The following CCDC18 variants were observed in gnomAD, a reference collection of about 807,000 sequenced individuals.
CCDC18 encodes the protein coiled-coil domain containing 18, also known as coiled-coil domain-containing protein 18.
In CCDC18, 157 loss-of-function variants were observed where a neutral mutation model predicts 196.0. The ratio of observed to expected loss-of-function variants is 0.80; its 90% CI spans 0.70 to 0.91. The LOEUF is 0.91. Ranked by LOEUF, CCDC18 falls within the 40% of genes least tolerant of loss-of-function variation. The pLI, the probability that CCDC18 is intolerant of heterozygous loss-of-function variation, is 0.00. For missense variants in CCDC18, 1,465 were observed against 1,611.6 expected (o/e 0.91, Z 1.56); for synonymous variants, 482 against 529.2 (o/e 0.91, Z 1.22).
At chr1:93,234,067 GGATT>G (rs1157755902) in intron 18 of CCDC18, among the ~76,000 whole-genome samples, 3 of 152,018 alleles carry the variant, frequency 2.0e-5, no homozygotes, top group Non-Finnish European at 4.4e-5. Context: ...GGTTCTTGCA[GGATT>G]GATTATGATT....
intron 23 of CCDC18, among the ~76,000 whole-genome samples, 196 bp from the exon 24 acceptor site, chr1:93,254,275 T>C (rs1662650814): frequency 6.6e-6 from 1 of 152,170 alleles, no homozygotes; most frequent in Non-Finnish European, 1.5e-5. Flanking sequence ...TATGAGTGGG[T>C]TACCCTCTAT....
Position 93,207,307 on chromosome 1 carries a change from C to T in CCDC18, c.1118C>T (p.Ala373Val). 6.2e-7 allele frequency: 1 copy of T among 1,613,206 alleles called. No homozygotes were observed. Among genetic ancestry groups the T allele is most frequent in the South Asian group, 1.1e-5 (1 of 90,986 alleles). Residue 373 changes from alanine to valine, a missense_variant, in exon 9 of 29, where the codon GCA (alanine) becomes GTA (valine). Physicochemically the swap from Ala to Val is moderately conservative, Grantham distance 64. Coordinates refer to ENST00000690025, the MANE Select transcript of CCDC18 (RefSeq NM_001378204.1). ...ENRELKVRVA[A>V]QNERLDLCQQ... ...CGAGAATTAAAGGTCCGTGTTGCAG[C>T]ACAGAATGAGCGACTAGATTTATGT...
rs1182833944 is a variant in CCDC18, at chr1:93,214,832, C to T, written c.1585C>T (p.Arg529Cys). 5.6e-6 allele frequency: 9 copies of T among 1,612,950 alleles called. No homozygotes were observed. The East Asian group carries it at 6.7e-5, about 12-fold the overall frequency. Residue 529 changes from arginine (R) to cysteine (C), a missense_variant, in exon 12 of 29, where the codon CGT becomes TGT. By Grantham distance (180) the Arg-to-Cys change is radical. Coordinates refer to ENST00000690025, the MANE Select transcript of CCDC18 (RefSeq NM_001378204.1). ...QRLVTGIEEL[R>C]TKLIQIEAEN... The stretch of plus-strand genomic sequence containing the variant: ...ACTTGTTACTGGAATAGAAGAACTA[C>T]GTACTAAGCTGATACAAATAGAAGC...
intron 19 of CCDC18, 123 bp downstream of exon 19, chr1:93,236,513 C>A: frequency 1.1e-6 from 1 of 888,688 alleles, no homozygotes; most frequent in Non-Finnish European, 1.7e-6. Flanking sequence ...AGTCTGTGTT[C>A]CTATTGCATT....
At chr1:93,257,068 A>G (rs1663053227) in intron 25 of CCDC18, among the ~76,000 whole-genome samples, 1 of 151,822 alleles carries the variant, frequency 6.6e-6, no homozygotes, top group Non-Finnish European at 1.5e-5. Context: ...TCTACTAAAA[A>G]TACAAAAAAC....
intron 16 of CCDC18, among the ~76,000 whole-genome samples, chr1:93,223,292 CTTT>C (rs1355167661): frequency 1.3e-5 from 2 of 152,114 alleles, no homozygotes; most frequent in African/African-American, 4.8e-5. Context: ...CCTTTAACAT[CTTT>C]AGCAGGTTTG....
At chr1:93,252,383 A>G (rs1376330607) in intron 23 of CCDC18, among the ~76,000 whole-genome samples, 2 of 152,064 alleles carry the variant, frequency 1.3e-5, no homozygotes, top group Admixed American at 6.5e-5. Flanking sequence ...CACTGATTCT[A>G]TTTGACCCAT....
intron 26 of CCDC18, among the ~76,000 whole-genome samples, chr1:93,262,879 C>A (rs1194193155): frequency 2.0e-5 from 3 of 152,088 alleles, no homozygotes; most frequent in African/African-American, 4.8e-5. Flanking sequence ...GCTTGGACTT[C>A]CAGGCATTTC....
chr1:93,200,329 T>A, intron 6 of CCDC18, among the ~76,000 whole-genome samples: 1 of 106,690 alleles, frequency 9.4e-6, no homozygotes, highest in Admixed American at 9.8e-5. Context: ...CTATAGGAGA[T>A]TATTTAAAAA....
chr1:93,253,080 C>T (rs1348499167), intron 23 of CCDC18, among the ~76,000 whole-genome samples: 3 of 152,226 alleles, frequency 2.0e-5, no homozygotes, highest in African/African-American at 7.2e-5. Context: ...GGAGTTGAGA[C>T]TGGCCCTCTT....
chr1:93,220,488 A>G (rs1438846921), intron 14 of CCDC18, among the ~76,000 whole-genome samples: 1 of 152,236 alleles, frequency 6.6e-6, no homozygotes, highest in Non-Finnish European at 1.5e-5. Flanking sequence ...TAGGATTTTT[A>G]TAATATCTAT....
At chr1:93,179,996 G>T (rs1163052531), upstream of CCDC18, 4 of 1,532,736 alleles carry the variant, frequency 2.6e-6, no homozygotes, top group Non-Finnish European at 3.5e-6. Context: ...CGGGTGAGAG[G>T]CGACAACGCA....
chr1:93,182,489 G>A (rs562761102), intron 1 of CCDC18, among the ~76,000 whole-genome samples: 14 of 152,346 alleles, frequency 9.2e-5, no homozygotes, highest in African/African-American at 2.2e-4. Context: ...AAAGGTAAAT[G>A]GGATCTGAAA....
Position 93,258,762 on chromosome 1 carries a change from C to A in CCDC18, c.3561C>A (p.Asn1187Lys). The A allele has an allele frequency of 3.8e-6, 6 of 1,561,028 alleles. No individual in the cohort carries two copies. The highest frequency in any genetic ancestry group is 5.2e-6 in the Non-Finnish European group (6 of 1,156,770). Residue 1187 changes from asparagine to lysine, a missense_variant, in exon 26 of 29, where the codon AAC (asparagine) becomes AAA (lysine). Asn to Lys is a moderately conservative substitution (Grantham distance 94). Transcript: ENST00000690025. The stretch of plus-strand genomic sequence containing the variant: ...TCATTTTTAAGGATGCTCATGGAAA[C>A]CATTTAGCTGAAGAACTGGGGGCTT... ...QLSKEKDAHG[N>K]HLAEELGASK...
rs377290925 is a variant in CCDC18 at position 93,232,331 on chromosome 1, G to A, written c.2293-95G>A. Reference sequence around the variant, plus strand: ...ATGCAATTGTCCCACATGACAAGTGGATGGTTATCTAATAAGGAGGACAGC... The same window carrying A: ...ATGCAATTGTCCCACATGACAAGTGAATGGTTATCTAATAAGGAGGACAGC... On this transcript the variant is annotated intron_variant, in intron 17 of 28. Coordinates refer to ENST00000690025, the MANE Select transcript of CCDC18 (RefSeq NM_001378204.1). 109 of 705,274 alleles carry A rather than the reference G, an allele frequency of 1.5e-4. 1 individual carries two copies. The highest frequency in any genetic ancestry group is 1.5e-3 in the African/African-American group (82 of 54,740). 43.7% of individuals were successfully genotyped at this position (705,274 alleles called of 1,614,324 possible).
intron 26 of CCDC18, among the ~76,000 whole-genome samples, chr1:93,261,146 G>A (rs1054213856): frequency 2.0e-5 from 3 of 152,108 alleles, no homozygotes; most frequent in Non-Finnish European, 4.4e-5. Context: ...TAATGGGATG[G>A]CTGGGTCAAA....
chr1:93,198,864 C>T (rs1405715491), intron 6 of CCDC18, among the ~76,000 whole-genome samples: 2 of 152,046 alleles, frequency 1.3e-5, no homozygotes, highest in African/African-American at 4.8e-5. Context: ...CCAGGCTGGT[C>T]TTGAACTCCT....
intron 21 of CCDC18, among the ~76,000 whole-genome samples, chr1:93,245,311 T>A (rs1310827445): frequency 6.6e-6 from 1 of 152,216 alleles, no homozygotes; most frequent in Non-Finnish European, 1.5e-5. Flanking sequence ...ATATTAGTTT[T>A]AGCCTTGTGT....
At chr1:93,210,628 T>G (rs1655465091) in intron 9 of CCDC18, among the ~76,000 whole-genome samples, 174 bp from the exon 10 acceptor site, 1 of 152,140 alleles carries the variant, frequency 6.6e-6, no homozygotes, top group Non-Finnish European at 1.5e-5. Context: ...CTTTTAACTA[T>G]TGTAGTTTTC....
Sources: allele counts gnomAD v4.1 joint callset (sites outside exome capture counted in the v4.1 genomes callset), GRCh38; gene constraint gnomAD v4.1.1; transcripts MANE v1.5; gene names NCBI Gene and HGNC (gene_info 2026-07-23, HGNC 2026-07-21).